Variants in ESCO2 observed in about 807,000 individuals in gnomAD.
ESCO2 encodes N-acetyltransferase ESCO2.
Under a neutral mutation model 61.7 loss-of-function variants are expected in ESCO2, and 51 were observed. That is an observed-to-expected ratio of 0.83 (90% confidence interval 0.66 to 1.04). ESCO2 has a LOEUF of 1.04. ESCO2 is among the 50% of genes least tolerant of loss of function. The pLI is 0.00. For synonymous variants in ESCO2, 230 were observed against 238.2 expected (o/e 0.97, Z 0.32); for missense variants, 692 against 686.2 (o/e 1.01, Z -0.09).
downstream of ESCO2, chr8:27,810,584 CAAG>C (rs1415405931): frequency 4.0e-6 from 3 of 759,412 alleles, no homozygotes; most frequent in African/African-American, 3.5e-5. Flanking sequence ...TCTCCTGAAA[CAAG>C]AATTTATGGT....
chr8:27,786,508 AAC>A (rs1805044779), intron 5 of ESCO2, among the ~76,000 whole-genome samples: 2 of 152,356 alleles, frequency 1.3e-5, no homozygotes, highest in Admixed American at 6.5e-5. Context: ...CATTCATGAT[AAC>A]AGTTTGCTGT....
chr8:27,780,054 T>G, intron 3 of ESCO2, 120 bp from the exon 4 acceptor site: 2 of 692,552 alleles, frequency 2.9e-6, no homozygotes, highest in South Asian at 3.4e-5. Context: ...AATCACATTA[T>G]GAAATGTAAT....
chr8:27,795,218 AGT>A (rs1461892511), intron 9 of ESCO2, among the ~76,000 whole-genome samples: 1 of 152,104 alleles, frequency 6.6e-6, no homozygotes, highest in African/African-American at 2.4e-5. Context: ...TCTGGTCTTC[AGT>A]GTATGGATTT....
In ESCO2 at chr8:27,776,396, C is replaced by T; in HGVS notation, c.88C>T (p.Pro30Ser). 8 of 1,608,202 alleles carry T rather than the reference C, an allele frequency of 5.0e-6. No individual in the cohort carries two copies. Among genetic ancestry groups the T allele is most frequent in the Non-Finnish European group, 6.8e-6 (8 of 1,177,402 alleles). ...LHFTENLFPS[P>S]NKKHCFYQNS... is the part of the protein sequence containing the mutation. ...CTTCACTGAAAATCTGTTTCCATCA[C>T]CTAATAAAAAGCACTGTTTTTATCA... Residue 30 changes from proline (P) to serine (S), a missense_variant, in exon 3 of 11, where the codon CCT becomes TCT. Coordinates refer to ENST00000305188, the MANE Select transcript of ESCO2 (RefSeq NM_001017420.3).
downstream of ESCO2, chr8:27,811,974 T>C (rs567998130): frequency 5.9e-5 from 9 of 152,306 alleles, no homozygotes; most frequent in Non-Finnish European, 1.2e-4. Flanking sequence ...AACTTCACTA[T>C]AGCTGTTTTA....
Position 27,804,863 on chromosome 8 carries a change from G to A in ESCO2, c.*1425G>A. The A allele has an allele frequency of 1.5e-6, 1 of 679,786 alleles. No homozygotes were observed. 42.1% of individuals were successfully genotyped at this position (679,786 alleles called of 1,614,324 possible). A position where few individuals can be genotyped will look rare whatever the true frequency, so the allele number is the denominator to read the frequency against. On this transcript the variant is annotated 3_prime_UTR_variant, in exon 11 of 11. Coordinates refer to ENST00000305188, the MANE Select transcript of ESCO2 (RefSeq NM_001017420.3). Reference sequence around the variant, plus strand: ...TTAATTAACATTTTGTTTGCTTAATGCTTTTGTTATGAATCAATTAAAATT... The same window carrying A: ...TTAATTAACATTTTGTTTGCTTAATACTTTTGTTATGAATCAATTAAAATT...
chr8:27,772,674 T>C (rs748385370), upstream of ESCO2: 17 of 810,260 alleles, frequency 2.1e-5, no homozygotes, highest in Middle Eastern at 3.8e-4. Context: ...TCGGGGCGCG[T>C]CATAACGCCG....
intron 10 of ESCO2, among the ~76,000 whole-genome samples, chr8:27,800,974 G>A (rs12675119): frequency 0.16 from 23,876 of 152,054 alleles, 2,377 homozygotes; most frequent in East Asian, 0.36. Context: ...TAATGAGTAC[G>A]GGGTTTGGGA....
At chr8:27,808,076 A>G (rs10105735), downstream of ESCO2, 32,878 of 234,958 alleles carry the variant, frequency 0.14, 3,057 homozygotes, top group East Asian at 0.36. Flanking sequence ...AAGACGGGAG[A>G]CTTGTTTTGT....
intron 7 of ESCO2, 110 bp downstream of exon 7, chr8:27,789,088 G>A: frequency 7.4e-7 from 1 of 1,349,046 alleles, no homozygotes; most frequent in Non-Finnish European, 1.0e-6. Context: ...TAATGATGAT[G>A]TTTCAAGCTT....
intron 1 of ESCO2, 100 bp downstream of exon 1, chr8:27,774,707 TGCTCGGC>T (rs1317992620): frequency 6.6e-6 from 1 of 152,334 alleles, no homozygotes; most frequent in African/African-American, 2.4e-5. Flanking sequence ...AAAGAGCTTT[TGCTCGGC>T]GCTCGGCAGG....
At chr8:27,786,608 T>A (rs1805047196) in intron 5 of ESCO2, among the ~76,000 whole-genome samples, 1 of 152,226 alleles carries the variant, frequency 6.6e-6, no homozygotes, top group Non-Finnish European at 1.5e-5. Flanking sequence ...TTTAGTGGAA[T>A]AGTGTATCTC....
Position 27,805,000 on chromosome 8 carries a change from C to CTTAATCCTGCTTTGAGTTTAGT in ESCO2, c.*1562_*1563insTTAATCCTGCTTTGAGTTTAGT. 4.9e-4 allele frequency: 112 copies of CTTAATCCTGCTTTGAGTTTAGT among 227,082 alleles called. No individual in the cohort carries two copies. The highest frequency in any genetic ancestry group is 7.0e-4 in the Non-Finnish European group (99 of 141,790). 14.1% of individuals were successfully genotyped at this position (227,082 alleles called of 1,614,324 possible). A position where few individuals can be genotyped will look rare whatever the true frequency, so the allele number is the denominator to read the frequency against. Reference sequence around the variant, plus strand: ...GAGATTGCCAAAAGAAGAGGCTTCCCGGCCGGGCGCGGTGGCTCACGCCTG... The same window carrying CTTAATCCTGCTTTGAGTTTAGT: ...GAGATTGCCAAAAGAAGAGGCTTCCCTTAATCCTGCTTTGAGTTTAGTGGCCGGGCGCGGTGGCTCACGCCTG... On this transcript the variant is annotated 3_prime_UTR_variant, in exon 11 of 11. Coordinates refer to ENST00000305188, the MANE Select transcript of ESCO2 (RefSeq NM_001017420.3).
At chr8:27,811,220 A>T, downstream of ESCO2, 1 of 1,116,454 alleles carries the variant, frequency 9.0e-7, no homozygotes. Flanking sequence ...GAACGATTTG[A>T]ACAAGTAGTT....
intron 3 of ESCO2, chr8:27,779,785 C>T (rs1055850325): frequency 4.9e-6 from 1 of 204,938 alleles, no homozygotes; most frequent in East Asian, 1.3e-4. Flanking sequence ...ATTCTCCTGC[C>T]TCAGCCTCCC....
chr8:27,798,967 G>A (rs1805363214), intron 9 of ESCO2, among the ~76,000 whole-genome samples: 1 of 152,104 alleles, frequency 6.6e-6, no homozygotes, highest in African/African-American at 2.4e-5. Context: ...TGTATATACA[G>A]GTGTGATTAA....
chr8:27,776,137 G>A (rs1328697712), intron 2 of ESCO2, among the ~76,000 whole-genome samples: 2 of 151,972 alleles, frequency 1.3e-5, no homozygotes, highest in Non-Finnish European at 2.9e-5. Flanking sequence ...TAGCTTCTTT[G>A]TATATAGTAT....
At chr8:27,818,981 T>A in the ESCO2 span, among the ~76,000 whole-genome samples, 2 of 152,308 alleles carry the variant, frequency 1.3e-5, no homozygotes, top group East Asian at 1.9e-4. Context: ...CTTTTCTCAC[T>A]AATACAAAAA....
intron 10 of ESCO2, among the ~76,000 whole-genome samples, chr8:27,802,084 A>G (rs13272944): frequency 0.86 from 129,414 of 150,390 alleles, 55,861 homozygotes; most frequent in East Asian, 1. Flanking sequence ...TGACATGGAA[A>G]AATTTGAAGA....
Sources: gnomAD v4.1 joint callset for allele counts (sites outside exome capture counted in the v4.1 genomes callset) on GRCh38, gnomAD v4.1.1 for gene constraint, MANE v1.5 for transcripts, NCBI Gene and HGNC (gene_info 2026-07-23, HGNC 2026-07-21) for gene names.